Variants in ZNF765 observed in about 807,000 individuals in gnomAD.
The protein encoded by ZNF765 is zinc finger protein 765.
Under a neutral mutation model 44.7 loss-of-function variants are expected in ZNF765, and 37 were observed. The observed-to-expected ratio is 0.83, with a 90% CI of 0.64 to 1.09. The LOEUF (loss-of-function observed/expected upper bound fraction) is 1.09. ZNF765 is among the 50% of genes least tolerant of loss of function. The probability of loss-of-function intolerance (pLI) is 0.00; values close to 1 mark genes in which losing one functional copy is unlikely to be tolerated. For missense variants in ZNF765, 594 were observed against 626.1 expected (o/e 0.95, Z 0.55); for synonymous variants, 201 against 213.7 (o/e 0.94, Z 0.52).
At chr19:53,415,269 T>C (rs1370723612), downstream of ZNF765, among the ~76,000 whole-genome samples, 1 of 144,200 alleles carries the variant, frequency 6.9e-6, no homozygotes, top group Admixed American at 6.9e-5. Flanking sequence ...AAACTCCATC[T>C]CGAAAAAAAA....
downstream of ZNF765, among the ~76,000 whole-genome samples, chr19:53,414,165 C>A (rs188346691): frequency 1.1e-3 from 159 of 140,966 alleles, 2 homozygotes; most frequent in East Asian, 0.032. Context: ...CGCTTGAACC[C>A]AGGAGGCGGA....
rs1481160658 is a variant in ZNF765 at position 53,418,692 on chromosome 19, G to A, written c.143-4370G>A. Among the ~76,000 whole-genome samples, 3 of 151,904 alleles carry A rather than the reference G, an allele frequency of 2.0e-5. No individual in the cohort carries two copies. The East Asian group carries it at 5.8e-4, about 30-fold the overall frequency. On this transcript the variant is annotated intron_variant, in intron 3 of 3. Coordinates refer to the ZNF765 transcript ENST00000594030. ...GTGGGGGGGGCGGTGGATCACCTGA[G>A]GTCAGGAGTTGGAGACCAGCCTGCC...
downstream of ZNF765, among the ~76,000 whole-genome samples, chr19:53,416,358 A>G (rs1016488018): frequency 2.6e-4 from 40 of 152,250 alleles, no homozygotes; most frequent in African/African-American, 8.7e-4. Flanking sequence ...GTGAGCCGAG[A>G]TCGCACCAAT....
intron 2 of ZNF765, among the ~76,000 whole-genome samples, chr19:53,400,915 C>A (rs1324445787): frequency 1.3e-5 from 2 of 151,920 alleles, no homozygotes; most frequent in Admixed American, 1.3e-4. Context: ...TCACTGAAAC[C>A]TCCACCCTGA....
At chr19:53,418,670 G>T (rs992692414) in intron 3 of ZNF765, among the ~76,000 whole-genome samples, 13 of 151,120 alleles carry the variant, frequency 8.6e-5, no homozygotes, top group African/African-American at 2.2e-4. Context: ...GCCAATGGTG[G>T]GGGGGGCGGT....
In ZNF765 at chr19:53,408,416, A is replaced by T. The variant is rs1172155381; in HGVS notation, c.861A>T (p.Thr287=). 1 of 1,614,026 alleles carries T rather than the reference A, an allele frequency of 6.2e-7. No homozygotes were observed. Among genetic ancestry groups the T allele is most frequent in the Admixed American group, 1.7e-5 (1 of 60,022 alleles). The change falls in exon 4 of 4, where the codon ACA becomes ACT. Residue 287 remains threonine (T), a synonymous_variant. Transcript: ENST00000396408. ...GKTFSQTYYL[T]CHRRLHTGEK... ...CCTTCAGTCAGACATATTACCTAAC[A>T]TGCCATCGTAGACTTCATACTGGAG...
At chr19:53,421,366 G>C (rs1049804710) in intron 3 of ZNF765, among the ~76,000 whole-genome samples, 5 of 152,098 alleles carry the variant, frequency 3.3e-5, no homozygotes, top group Non-Finnish European at 7.3e-5. Flanking sequence ...TATGCTGAGT[G>C]CCGGTCCCCT....
Position 53,409,009 on chromosome 19 carries a change from A to C in ZNF765, c.1454A>C (p.His485Pro), listed in dbSNP as rs773400338. Residue 485 changes from histidine to proline, a missense_variant, in exon 4 of 4, where the codon CAT (histidine) becomes CCT (proline). Physicochemically the swap from His to Pro is moderately conservative, Grantham distance 77. Coordinates refer to ENST00000396408, the MANE Select transcript of ZNF765 (RefSeq NM_001040185.3). ...CGGACGTCATCCCTTACATACCATC[A>C]TAGACTTCATACTGGACAGAAACCT... ...FSRTSSLTYH[H>P]RLHTGQKPYK... is the part of the protein sequence containing the mutation. 6.2e-6 allele frequency: 10 copies of C among 1,603,622 alleles called. No homozygotes were observed. The highest frequency in any genetic ancestry group is 8.5e-6 in the Non-Finnish European group (10 of 1,172,804).
intron 3 of ZNF765, among the ~76,000 whole-genome samples, chr19:53,406,354 T>C (rs1456535364): frequency 6.6e-6 from 1 of 151,904 alleles, no homozygotes; most frequent in African/African-American, 2.4e-5. Context: ...TTCCTTATAA[T>C]GCTGTGTATT....
rs779303685 is a variant in ZNF765 at position 53,410,932 on chromosome 19, A to T, written c.*1805A>T. 4.0e-5 allele frequency: 17 copies of T among 424,124 alleles called. No individual in the cohort carries two copies. Among genetic ancestry groups the T allele is most frequent in the Non-Finnish European group, 6.7e-5 (14 of 209,302 alleles). 26.3% of individuals were successfully genotyped at this position (424,124 alleles called of 1,614,324 possible). On this transcript the variant is annotated 3_prime_UTR_variant, in exon 4 of 4. Coordinates refer to ENST00000396408, the MANE Select transcript of ZNF765 (RefSeq NM_001040185.3). ...ACTGGACAGAAATCTTATAAATGTC[A>T]TCAGTGTGCCAAAGTCTTCAGTCTG...
chr19:53,404,146 C>T (rs530638951), intron 3 of ZNF765, among the ~76,000 whole-genome samples: 22 of 152,298 alleles, frequency 1.4e-4, no homozygotes, highest in South Asian at 4.1e-4. Flanking sequence ...GGCACAATCT[C>T]GGGTCACTCC....
rs534816808 is a variant in ZNF765, at chr19:53,408,874, G to T, written c.1319G>T (p.Cys440Phe). 1 of 1,613,348 alleles carries T rather than the reference G, an allele frequency of 6.2e-7. No individual in the cohort carries two copies. The highest frequency in any genetic ancestry group is 8.5e-7 in the Non-Finnish European group (1 of 1,179,838). The change falls in exon 4 of 4, where the codon TGT (cysteine) becomes TTT (phenylalanine). Residue 440 changes from cysteine (C) to phenylalanine (F), a missense_variant. By Grantham distance (205) the Cys-to-Phe change is radical. This residue lies in a region of ZNF765 where 567 missense variants were observed against 572.6 expected (regional missense o/e 0.99). Transcript: ENST00000396408. ...CATAGTGGAGAGAAACCTTACAAAT[G>T]TGAAGAATGTGACAAAGCCTACAGT... ...RLHSGEKPYK[C>F]EECDKAYSFK... is the part of the protein sequence containing the mutation.
At chr19:53,413,719 G>A (rs1283634893), downstream of ZNF765, among the ~76,000 whole-genome samples, 1 of 149,778 alleles carries the variant, frequency 6.7e-6, no homozygotes, top group Non-Finnish European at 1.5e-5. Flanking sequence ...GAATCTTCTC[G>A]TCTCCTGTAA....
At position 53,407,606 on chromosome 19, in the gene ZNF765, A is replaced by G. The variant is rs551153748; in HGVS notation, c.143-92A>G. The G allele has an allele frequency of 4.0e-6, 4 of 994,446 alleles. No homozygotes were observed. In the South Asian group the frequency reaches 8.1e-5, roughly 20 times the overall value. 61.6% of individuals were successfully genotyped at this position (994,446 alleles called of 1,614,324 possible). A position where few individuals can be genotyped will look rare whatever the true frequency, so the allele number is the denominator to read the frequency against. ...GAGGGTCATGTTTGCAAAGTTTAAA[A>G]TAAGTATTGTTTTTTGTGTCATATT... On this transcript the variant is annotated intron_variant, in intron 3 of 3. Coordinates refer to ENST00000396408, the MANE Select transcript of ZNF765 (RefSeq NM_001040185.3).
rs575763529 is a variant in ZNF765, at chr19:53,406,088, G to A, written c.143-1610G>A. Among the ~76,000 whole-genome samples the A allele has an allele frequency of 1.3e-3, 195 of 148,404 alleles. 7 individuals carry two copies. Among genetic ancestry groups the A allele is most frequent in the Middle Eastern group, 0.011 (3 of 284 alleles). ...TCTGTCACTCAGCTGGAGTGCACAGGTGCAATCTCGGCTCACTACAACCTC... is the reference window on the plus strand; with the variant it reads ...TCTGTCACTCAGCTGGAGTGCACAGATGCAATCTCGGCTCACTACAACCTC... On this transcript the variant is annotated intron_variant, in intron 3 of 3. Transcript: ENST00000396408.
downstream of ZNF765, among the ~76,000 whole-genome samples, chr19:53,413,742 C>T (rs530696936): frequency 6.6e-6 from 1 of 151,168 alleles, no homozygotes; most frequent in African/African-American, 2.4e-5. Context: ...CAGTTCACGA[C>T]AGACCCTTGG....
chr19:53,421,160 G>A (rs1161492534), intron 3 of ZNF765, among the ~76,000 whole-genome samples: 1 of 152,214 alleles, frequency 6.6e-6, no homozygotes, highest in African/African-American at 2.4e-5. Context: ...AGATGTTTGT[G>A]TACGTGCGCA....
chr19:53,414,514 A>C, downstream of ZNF765, among the ~76,000 whole-genome samples: 1 of 71,248 alleles, frequency 1.4e-5, no homozygotes, highest in Non-Finnish European at 2.7e-5. Flanking sequence ...CCCCCCGGGG[A>C]AAAGCCCATA....
At chr19:53,414,424 GACCCTCCCC>G (rs1457184089), downstream of ZNF765, among the ~76,000 whole-genome samples, 1 of 68,612 alleles carries the variant, frequency 1.5e-5, no homozygotes, top group Non-Finnish European at 3.0e-5. Context: ...AGGATGGACT[GACCCTCCCC>G]ACCACACACA....
Sources: allele counts gnomAD v4.1 joint callset (sites outside exome capture counted in the v4.1 genomes callset), GRCh38; gene constraint gnomAD v4.1.1; regional missense constraint gnomAD v4.1.1; transcripts MANE v1.5; gene names NCBI Gene and HGNC (gene_info 2026-07-23, HGNC 2026-07-21).